The following MTA3 variants were observed in gnomAD, a reference collection of about 807,000 sequenced individuals.
The protein encoded by MTA3 is metastasis associated 1 family member 3.
In MTA3, 34 loss-of-function variants were observed where a neutral mutation model predicts 83.5. That is an observed-to-expected ratio of 0.41 (90% CI 0.31 to 0.54). The LOEUF is 0.54. MTA3 is among the 20% of genes least tolerant of loss of function. The pLI, the probability that MTA3 is intolerant of heterozygous loss-of-function variation, is 0.33. For missense variants in MTA3, 761 were observed against 726.4 expected, an observed-to-expected ratio of 1.05 and a Z score of -0.55; for synonymous variants, 303 against 252.7, an observed-to-expected ratio of 1.20 and a Z score of -1.89.
intron 2 of MTA3, among the ~76,000 whole-genome samples, chr2:42,550,087 G>A (rs1415650787): frequency 6.6e-6 from 1 of 152,064 alleles, no homozygotes; most frequent in Non-Finnish European, 1.5e-5. Context: ...TTTCCTTTAA[G>A]TGAAAAGGTG....
chr2:42,518,999 AC>A, intron 2 of MTA3, among the ~76,000 whole-genome samples: 1 of 149,380 alleles, frequency 6.7e-6, no homozygotes, highest in Non-Finnish European at 1.5e-5. Context: ...ACACACACAC[AC>A]ACACACACAC....
intron 2 of MTA3, among the ~76,000 whole-genome samples, chr2:42,534,026 C>G (rs900756795): frequency 2.0e-5 from 3 of 152,006 alleles, no homozygotes; most frequent in African/African-American, 7.2e-5. Context: ...GCTGGAAAAT[C>G]AAGAAGGAGG....
chr2:42,621,533 C>T (rs954446949), intron 4 of MTA3, among the ~76,000 whole-genome samples: 1 of 152,252 alleles, frequency 6.6e-6, no homozygotes, highest in African/African-American at 2.4e-5. Flanking sequence ...CTACTTCTTT[C>T]TACACAGACA....
chr2:42,632,670 A>G (rs1414855821), intron 4 of MTA3, among the ~76,000 whole-genome samples: 1 of 152,148 alleles, frequency 6.6e-6, no homozygotes, highest in African/African-American at 2.4e-5. Context: ...TGTCTTTGCT[A>G]TGCTCCACAT....
intron 2 of MTA3, among the ~76,000 whole-genome samples, chr2:42,575,514 C>T (rs1317835461): frequency 6.6e-6 from 1 of 152,062 alleles, no homozygotes; most frequent in Non-Finnish European, 1.5e-5. Flanking sequence ...AAATTGAGGA[C>T]CTTCTACCAG....
At chr2:42,625,923 G>C (rs1206832499) in intron 4 of MTA3, among the ~76,000 whole-genome samples, 2 of 149,214 alleles carry the variant, frequency 1.3e-5, no homozygotes, top group Non-Finnish European at 3.0e-5. Context: ...AGTATTAGAT[G>C]ATTCAGTTAT....
In MTA3 at chr2:42,620,785, G is replaced by A. The variant is rs540439780; in HGVS notation, c.317+11201G>A. Among the ~76,000 whole-genome samples the A allele has an allele frequency of 2.0e-5, 3 of 152,264 alleles. No individual in the cohort carries two copies. In the South Asian group the frequency reaches 6.2e-4, roughly 32 times the overall value. ...TTGGGATTACGGGGATGAGCCACTG[G>A]GCCCAGCTGGTTAACTCGAGAAAAC... On this transcript the variant is annotated intron_variant, in intron 4 of 16. Transcript: ENST00000405094.
chr2:42,692,106 T>C (rs965394605), intron 9 of MTA3, among the ~76,000 whole-genome samples: 1 of 152,210 alleles, frequency 6.6e-6, no homozygotes, highest in East Asian at 1.9e-4. Context: ...TTAGATTTGC[T>C]CTTTCAAGGC....
At chr2:42,691,794 T>G (rs138697074) in intron 9 of MTA3, among the ~76,000 whole-genome samples, 1 of 152,350 alleles carries the variant, frequency 6.6e-6, no homozygotes, top group African/African-American at 2.4e-5. Flanking sequence ...GATATACTAT[T>G]CTTGGGTAAA....
intron 14 of MTA3, among the ~76,000 whole-genome samples, chr2:42,715,439 G>T (rs918097543): frequency 1.6e-5 from 2 of 126,820 alleles, no homozygotes; most frequent in African/African-American, 3.2e-5. Flanking sequence ...TTGAGACAGG[G>T]TCTTGCTCTG....
At chr2:42,500,763 G>A (rs921785524) in intron 2 of MTA3, among the ~76,000 whole-genome samples, 8 of 150,028 alleles carry the variant, frequency 5.3e-5, no homozygotes, top group Non-Finnish European at 1.0e-4. Context: ...ACATTACACC[G>A]AGAAAATCAA....
rs182763169 is a variant in MTA3, at chr2:42,635,999, G to A, written c.318-4174G>A. The stretch of plus-strand genomic sequence containing the variant: ...CAGGCTGGTCTTGAACTATACCTGA[G>A]CTCAGGCAATCTGCCCGCCTCAGCC... On this transcript the variant is annotated intron_variant, in intron 4 of 16. Coordinates refer to ENST00000405094, the MANE Select transcript of MTA3 (RefSeq NM_001330442.2). Among the ~76,000 whole-genome samples, 17 of 152,214 alleles carry A rather than the reference G, an allele frequency of 1.1e-4. No individual in the cohort carries two copies. The East Asian group carries it at 1.5e-3, about 14-fold the overall frequency.
At chr2:42,644,956 G>A (rs1173948125) in intron 6 of MTA3, among the ~76,000 whole-genome samples, 3 of 151,962 alleles carry the variant, frequency 2.0e-5, no homozygotes, top group Non-Finnish European at 4.4e-5. Context: ...TGCAGTGGCC[G>A]GTAAGTGTTC....
rs546053875 is a variant in MTA3 at position 42,527,724 on chromosome 2, C to T, written c.-141+32470C>T. 2.0e-5 allele frequency among the ~76,000 whole-genome samples: 3 copies of T among 151,756 alleles called. No homozygotes were observed. The South Asian group carries it at 6.3e-4, about 32-fold the overall frequency. ...AAAGCAGGAGTATCAGGCATGATGG[C>T]ATTTGCATATGTTTCAGCTACTCAA... On this transcript the variant is annotated intron_variant, in intron 2 of 17. Coordinates refer to the MTA3 transcript ENST00000405592.
chr2:42,657,749 A>G (rs926712392), intron 7 of MTA3, among the ~76,000 whole-genome samples: 10 of 138,106 alleles, frequency 7.2e-5, no homozygotes, highest in African/African-American at 2.8e-4. Context: ...GCAATATAGT[A>G]AGACCTCATC....
intron 2 of MTA3, among the ~76,000 whole-genome samples, chr2:42,541,953 A>G (rs905035638): frequency 6.6e-6 from 1 of 152,182 alleles, no homozygotes; most frequent in Non-Finnish European, 1.5e-5. Context: ...CCATGGGCCC[A>G]AAAACCAGCC....
chr2:42,550,613 G>A (rs1315844299), intron 2 of MTA3, among the ~76,000 whole-genome samples: 1 of 152,194 alleles, frequency 6.6e-6, no homozygotes, highest in Non-Finnish European at 1.5e-5. Context: ...CAGAGTACAT[G>A]GGGAGAAAGG....
At chr2:42,581,517 C>T (rs999831215) in intron 3 of MTA3, among the ~76,000 whole-genome samples, 21 of 151,142 alleles carry the variant, frequency 1.4e-4, no homozygotes, top group African/African-American at 2.9e-4. Context: ...GGAGTACAGG[C>T]GCATCTCACC....
At chr2:42,652,992 ATCCTT>A (rs1688854852) in intron 6 of MTA3, among the ~76,000 whole-genome samples, 1 of 152,226 alleles carries the variant, frequency 6.6e-6, no homozygotes, top group Non-Finnish European at 1.5e-5. Flanking sequence ...GCCTTTAGGA[ATCCTT>A]AGTTCTTCAG....
Sources: gnomAD v4.1 joint callset for allele counts (sites outside exome capture counted in the v4.1 genomes callset) on GRCh38, gnomAD v4.1.1 for gene constraint, MANE v1.5 for transcripts, NCBI Gene and HGNC (gene_info 2026-07-23, HGNC 2026-07-21) for gene names.